Variants in STMND1 observed in about 807,000 individuals in gnomAD.
The protein encoded by STMND1 is stathmin domain containing 1, also known as stathmin domain-containing protein 1.
A neutral mutation model predicts 23.0 loss-of-function variants in STMND1; 17 were observed. The observed-to-expected ratio is 0.74, with a 90% CI of 0.51 to 1.11. The LOEUF (loss-of-function observed/expected upper bound fraction) is 1.11. Among genes scored for constraint, STMND1 ranks in the 50% least tolerant of loss-of-function variants. The probability of loss-of-function intolerance (pLI) is 0.00; values close to 1 mark genes in which losing one functional copy is unlikely to be tolerated. For synonymous variants in STMND1, 114 were observed against 119.9 expected (o/e 0.95, Z 0.32); for missense variants, 305 against 329.1 (o/e 0.93, Z 0.57).
chr6:17,119,883 G>A lies in STMND1; in HGVS notation c.260-724G>A, dbSNP rs948709005. 1.7e-4 allele frequency among the ~76,000 whole-genome samples: 26 copies of A among 152,224 alleles called. No individual in the cohort carries two copies. In the East Asian group the frequency reaches 2.3e-3, roughly 14 times the overall value. ...GTCTTTGGCCCAACAGGCCAGCGCC[G>A]TTTATTTTATAATGTGATGGCATAA... On this transcript the variant is annotated intron_variant, in intron 2 of 4. Coordinates refer to ENST00000536551, the MANE Select transcript of STMND1 (RefSeq NM_001190766.2).
At chr6:17,129,619 C>A (rs1211398753) in intron 4 of STMND1, among the ~76,000 whole-genome samples, 4 of 151,662 alleles carry the variant, frequency 2.6e-5, no homozygotes, top group East Asian at 1.9e-4. Flanking sequence ...CCGAGGCAGG[C>A]GGATCACGAG....
At chr6:17,127,295 A>T (rs955622298) in intron 3 of STMND1, among the ~76,000 whole-genome samples, 1 of 152,242 alleles carries the variant, frequency 6.6e-6, no homozygotes, top group Non-Finnish European at 1.5e-5. Flanking sequence ...CACGCCTGTA[A>T]TCCCAGCACT....
intron 3 of STMND1, among the ~76,000 whole-genome samples, chr6:17,124,269 CTT>C (rs1253029165): frequency 1.3e-5 from 2 of 152,068 alleles, no homozygotes; most frequent in African/African-American, 4.8e-5. Flanking sequence ...TGTGAAAATA[CTT>C]TGAGTCTCAT....
chr6:17,130,400 G>T (rs1445712528), intron 4 of STMND1, among the ~76,000 whole-genome samples, 194 bp from the exon 5 acceptor site: 1 of 152,180 alleles, frequency 6.6e-6, no homozygotes, highest in Non-Finnish European at 1.5e-5. Context: ...CTATCAGAGA[G>T]CAAGGACCAG....
chr6:17,117,664 A>C (rs761633905), intron 2 of STMND1, among the ~76,000 whole-genome samples: 6 of 120,332 alleles, frequency 5.0e-5, no homozygotes, highest in Admixed American at 2.7e-4. Flanking sequence ...GATTTGGGTT[A>C]CGCTTTTTTT....
At chr6:17,126,709 T>C (rs1202814937) in intron 3 of STMND1, among the ~76,000 whole-genome samples, 10 of 152,160 alleles carry the variant, frequency 6.6e-5, no homozygotes, top group Non-Finnish European at 1.2e-4. Flanking sequence ...AAAATGATGA[T>C]GGGAGAGGGA....
At chr6:17,126,031 G>GTTTTTT (rs202101603) in intron 3 of STMND1, among the ~76,000 whole-genome samples, 1 of 34,098 alleles carries the variant, frequency 2.9e-5, no homozygotes, top group African/African-American at 1.3e-4. Context: ...GGTGATCATT[G>GTTTTTT]TTTTATATAT....
chr6:17,125,412 A>G (rs548331437), intron 3 of STMND1, among the ~76,000 whole-genome samples: 2 of 152,216 alleles, frequency 1.3e-5, no homozygotes, highest in African/African-American at 4.8e-5. Context: ...TTTTATCCCA[A>G]ATTCATTTCT....
chr6:17,119,573 A>C (rs977956175), intron 2 of STMND1, among the ~76,000 whole-genome samples: 20 of 152,008 alleles, frequency 1.3e-4, no homozygotes, highest in African/African-American at 4.8e-4. Context: ...GGTGGCACAC[A>C]CCTGTAATCC....
chr6:17,102,668 G>T (rs1167785145), intron 1 of STMND1, among the ~76,000 whole-genome samples: 1 of 152,164 alleles, frequency 6.6e-6, no homozygotes, highest in Non-Finnish European at 1.5e-5. Context: ...AGGAATAACC[G>T]GATGAGCAGC....
At chr6:17,114,413 C>T (rs1366808032) in intron 1 of STMND1, among the ~76,000 whole-genome samples, 5 of 152,096 alleles carry the variant, frequency 3.3e-5, no homozygotes, top group South Asian at 2.1e-4. Context: ...TACAGGCACC[C>T]GCCACCATGC....
intron 3 of STMND1, among the ~76,000 whole-genome samples, chr6:17,123,305 T>G (rs1761256070): frequency 6.6e-6 from 1 of 152,236 alleles, no homozygotes; most frequent in Non-Finnish European, 1.5e-5. Flanking sequence ...ATAGAATGGT[T>G]GTTGGGAACG....
intron 3 of STMND1, among the ~76,000 whole-genome samples, chr6:17,123,658 C>T (rs1369799624): frequency 2.6e-5 from 4 of 152,200 alleles, no homozygotes; most frequent in Non-Finnish European, 4.4e-5. Flanking sequence ...CTCTACACAA[C>T]GCTCTCAAAT....
intron 1 of STMND1, among the ~76,000 whole-genome samples, chr6:17,106,427 A>G (rs1761026064): frequency 6.6e-6 from 1 of 152,118 alleles, no homozygotes; most frequent in Non-Finnish European, 1.5e-5. Flanking sequence ...ATCTTTCTTG[A>G]GCAAATGCAT....
At chr6:17,105,789 A>G (rs1310661112) in intron 1 of STMND1, among the ~76,000 whole-genome samples, 5 of 151,906 alleles carry the variant, frequency 3.3e-5, no homozygotes, top group Non-Finnish European at 5.9e-5. Flanking sequence ...GCCGGGCGTG[A>G]TGGCGGGCTT....
At chr6:17,114,850 A>G (rs188111011) in intron 1 of STMND1, 112 bp from the exon 2 acceptor site, 22 of 1,181,878 alleles carry the variant, frequency 1.9e-5, no homozygotes, top group Middle Eastern at 2.9e-4. Flanking sequence ...TCTGGTTACT[A>G]TACAGCCCAC....
At chr6:17,109,116 A>T (rs9477322) in intron 1 of STMND1, among the ~76,000 whole-genome samples, 49,057 of 152,058 alleles carry the variant, frequency 0.32, 8,102 homozygotes, top group African/African-American at 0.34. Context: ...GTGTCCATGA[A>T]GAAGGACAGA....
intron 2 of STMND1, 137 bp from the exon 3 acceptor site, chr6:17,120,470 A>G: frequency 1.6e-6 from 1 of 614,278 alleles, no homozygotes. Context: ...ACAAAGACTT[A>G]TAATAGAAAT....
intron 3 of STMND1, chr6:17,128,127 A>T (rs191058700): frequency 3.4e-4 from 52 of 152,328 alleles, no homozygotes; most frequent in Admixed American, 1.1e-3. Context: ...CTTAAAACTA[A>T]TTTTTAAAAC....
Sources: gnomAD v4.1 joint callset for allele counts (sites outside exome capture counted in the v4.1 genomes callset) on GRCh38, gnomAD v4.1.1 for gene constraint, MANE v1.5 for transcripts, NCBI Gene and HGNC (gene_info 2026-07-23, HGNC 2026-07-21) for gene names.